PDE11A: variants seen among roughly 807,000 people sequenced by gnomAD.
PDE11A encodes the protein phosphodiesterase 11A.
In PDE11A, 100 loss-of-function variants were observed where a neutral mutation model predicts 100.5. The ratio of observed to expected loss-of-function variants is 1.00; its 90% CI spans 0.85 to 1.18. PDE11A has a LOEUF of 1.18. PDE11A is among the 50% of genes most tolerant of loss of function. PDE11A has a pLI of 0.00. For missense variants in PDE11A, 1,141 were observed against 1,152.6 expected, an observed-to-expected ratio of 0.99 and a Z score of 0.15; for synonymous variants, 381 against 420.8, an observed-to-expected ratio of 0.91 and a Z score of 1.16.
At chr2:177,687,859 G>C (rs2080977315) in intron 15 of PDE11A, 1 of 152,214 alleles carries the variant, frequency 6.6e-6, no homozygotes, top group African/African-American at 2.4e-5. Context: ...GAAGGAAGGT[G>C]AAGTGACTTG....
rs1574240022 is a variant in PDE11A, at chr2:177,874,216, A to C, written c.1367+1643T>G. On this transcript the variant is annotated intron_variant, in intron 5 of 19. Coordinates refer to ENST00000286063, the MANE Select transcript of PDE11A (RefSeq NM_016953.4). ...ACTTGCTGGTTGCAGGGCCTCAAACAAGTTACTTAAACTTGATGAACCTTG... is the reference window on the plus strand; with the variant it reads ...ACTTGCTGGTTGCAGGGCCTCAAACCAGTTACTTAAACTTGATGAACCTTG... Among the ~76,000 whole-genome samples the C allele has an allele frequency of 2.0e-5, 3 of 152,326 alleles. No homozygotes were observed. In the South Asian group the frequency reaches 6.2e-4, roughly 32 times the overall value.
intron 4 of PDE11A, among the ~76,000 whole-genome samples, chr2:177,889,187 A>G (rs777731463): frequency 6.6e-5 from 10 of 152,196 alleles, no homozygotes; most frequent in Non-Finnish European, 1.5e-4. Flanking sequence ...TTAAAATTAT[A>G]GGGTCACATT....
At chr2:177,693,038 G>T (rs376392419) in intron 15 of PDE11A, among the ~76,000 whole-genome samples, 3 of 152,192 alleles carry the variant, frequency 2.0e-5, no homozygotes, top group East Asian at 3.9e-4. Context: ...TTCCTTTTTG[G>T]TTTCTTCAAC....
At chr2:177,632,092 G>C (rs551907267) in intron 19 of PDE11A, among the ~76,000 whole-genome samples, 1 of 152,284 alleles carries the variant, frequency 6.6e-6, no homozygotes, top group South Asian at 2.1e-4. Context: ...AAAAGTCAGG[G>C]ATAGGACACT....
chr2:177,916,169 G>A (rs2084950657), intron 2 of PDE11A, among the ~76,000 whole-genome samples: 1 of 152,082 alleles, frequency 6.6e-6, no homozygotes, highest in African/African-American at 2.4e-5. Flanking sequence ...TCAGTCTTTG[G>A]TCTTCTAACT....
intron 19 of PDE11A, among the ~76,000 whole-genome samples, chr2:177,633,865 A>G (rs1344702122): frequency 3.3e-5 from 5 of 152,080 alleles, no homozygotes. Context: ...TTTCTCCAGA[A>G]CTTATTTTTT....
intron 2 of PDE11A, among the ~76,000 whole-genome samples, chr2:177,934,154 T>C (rs981425668): frequency 2.0e-5 from 3 of 152,018 alleles, no homozygotes; most frequent in African/African-American, 7.2e-5. Context: ...TATTAAACTA[T>C]AGAGCTTCTG....
chr2:178,069,715 G>A (rs2087100058), intron 1 of PDE11A, among the ~76,000 whole-genome samples: 1 of 152,170 alleles, frequency 6.6e-6, no homozygotes, highest in Non-Finnish European at 1.5e-5. Flanking sequence ...GCTTTCCCCT[G>A]CCTGTGATGA....
intron 15 of PDE11A, among the ~76,000 whole-genome samples, chr2:177,681,298 T>C (rs890378711): frequency 3.3e-5 from 5 of 152,244 alleles, no homozygotes; most frequent in African/African-American, 1.2e-4. Flanking sequence ...AGAATTGAGC[T>C]GCATGATGAT....
chr2:177,865,390 AC>A (rs1248421626), intron 5 of PDE11A, among the ~76,000 whole-genome samples: 1 of 152,202 alleles, frequency 6.6e-6, no homozygotes, highest in African/African-American at 2.4e-5. Flanking sequence ...TCAAAATGGA[AC>A]CCTCATTCTT....
At chr2:178,027,996 A>G (rs1280771058) in intron 1 of PDE11A, among the ~76,000 whole-genome samples, 2 of 152,212 alleles carry the variant, frequency 1.3e-5, no homozygotes, top group African/African-American at 2.4e-5. Flanking sequence ...TCCTCCAGCC[A>G]CAGCAGTGTG....
intron 2 of PDE11A, among the ~76,000 whole-genome samples, chr2:177,966,043 T>C (rs565962629): frequency 1.3e-5 from 2 of 152,342 alleles, no homozygotes; most frequent in African/African-American, 4.8e-5. Flanking sequence ...CAGCAGTGTT[T>C]CGTAATTCAC....
At position 177,997,324 on chromosome 2, in the gene PDE11A, A is replaced by G. The variant is rs2086088145; in HGVS notation, c.1071+16978T>C. The G allele has an allele frequency of 3.3e-6, 3 of 909,926 alleles. No individual in the cohort carries two copies. In the Admixed American group the frequency reaches 5.1e-5, roughly 16 times the overall value. 56.4% of individuals were successfully genotyped at this position (909,926 alleles called of 1,614,324 possible). On this transcript the variant is annotated intron_variant, in intron 2 of 19. Transcript: ENST00000286063. ...TATATTTCTCACTGGGAGGATTATA[A>G]ATCTGCCTGGCATCTCTTTTTTGTT...
At chr2:178,087,282 G>A (rs1436622723) in intron 2 of PDE11A, among the ~76,000 whole-genome samples, 1 of 151,860 alleles carries the variant, frequency 6.6e-6, no homozygotes, top group African/African-American at 2.4e-5. Context: ...GAACCTGGGA[G>A]GCAGAGGTTG....
chr2:177,825,337 A>G (rs2083211537), intron 6 of PDE11A, among the ~76,000 whole-genome samples: 1 of 152,158 alleles, frequency 6.6e-6, no homozygotes, highest in Non-Finnish European at 1.5e-5. Flanking sequence ...GTTTGAGGGA[A>G]GGAGGTGAGG....
chr2:177,939,289 A>C (rs1574293254), intron 2 of PDE11A, among the ~76,000 whole-genome samples: 1 of 151,876 alleles, frequency 6.6e-6, no homozygotes, highest in South Asian at 2.1e-4. Context: ...ACAACTAATA[A>C]AGCCATATTA....
intron 5 of PDE11A, among the ~76,000 whole-genome samples, chr2:177,866,283 C>T (rs1006484527): frequency 2.0e-5 from 3 of 152,124 alleles, no homozygotes; most frequent in Admixed American, 1.3e-4. Flanking sequence ...AATGACTGAG[C>T]GTGATGAGGG....
At position 178,081,563 on chromosome 2, in the gene PDE11A, G is replaced by A. The variant is rs1440370173; in HGVS notation, c.162+22739C>T. Among the ~76,000 whole-genome samples, 3 of 152,110 alleles carry A rather than the reference G, an allele frequency of 2.0e-5. No homozygotes were observed. The East Asian group carries it at 5.8e-4, about 29-fold the overall frequency. On this transcript the variant is annotated intron_variant, in intron 2 of 20. Coordinates refer to the PDE11A transcript ENST00000358450. ...CATCTTTCTCAGCCTGGCTGCCTTT[G>A]CCTGCATTCTTTCACCCATCTCTTC...
At chr2:177,642,032 T>C (rs2080152278) in intron 19 of PDE11A, among the ~76,000 whole-genome samples, 1 of 152,226 alleles carries the variant, frequency 6.6e-6, no homozygotes, top group Non-Finnish European at 1.5e-5. Context: ...CCCAGGTCTC[T>C]GACTCCAGAG....
Sources: allele counts gnomAD v4.1 joint callset (sites outside exome capture counted in the v4.1 genomes callset), GRCh38; gene constraint gnomAD v4.1.1; transcripts MANE v1.5; gene names NCBI Gene and HGNC (gene_info 2026-07-23, HGNC 2026-07-21).